Variants in DLG5 observed in about 807,000 individuals in gnomAD.
DLG5 encodes the protein discs large MAGUK scaffold protein 5, also known as disks large homolog 5.
A neutral mutation model predicts 189.8 loss-of-function variants in DLG5; 48 were observed. The observed-to-expected ratio is 0.25, with a 90% confidence interval of 0.20 to 0.32. The LOEUF (loss-of-function observed/expected upper bound fraction) is 0.32, where lower values mean the gene tolerates loss of function less well. DLG5 is among the 10% of genes least tolerant of loss of function. The pLI is 1.00. For synonymous variants in DLG5, 1,016 were observed against 1,054.1 expected (o/e 0.96, Z 0.70); for missense variants, 2,160 against 2,544.7 (o/e 0.85, Z 3.25).
intron 7 of DLG5, among the ~76,000 whole-genome samples, chr10:77,837,648 C>T (rs1024744249): frequency 3.9e-5 from 6 of 152,236 alleles, no homozygotes; most frequent in African/African-American, 1.2e-4. Flanking sequence ...ACCCAAGTGA[C>T]GGACTGACTG....
chr10:77,807,847 G>A lies in DLG5; in HGVS notation c.4745C>T (p.Pro1582Leu), dbSNP rs1841555533. The change falls in exon 25 of 32, where the codon CCT becomes CTT. Residue 1582 changes from proline to leucine, a missense_variant. By Grantham distance (98) the Pro-to-Leu change is moderately conservative. Transcript: ENST00000372391. Reference protein sequence around the residue: ...DGVRLKVQYRPEEFTKAKGLP... With the variant: ...DGVRLKVQYRLEEFTKAKGLP... ...GCCCTTGGCCTTCGTGAACTCCTCA[G>A]GGCGGTACTGCACCTTCAGGCGGAC... 5.0e-6 allele frequency: 8 copies of A among 1,614,082 alleles called. No individual in the cohort carries two copies. The highest frequency in any genetic ancestry group is 6.8e-6 in the Non-Finnish European group (8 of 1,180,044).
chr10:77,843,616 C>T lies in DLG5; in HGVS notation c.955G>A (p.Ala319Thr), dbSNP rs766607036. The T allele has an allele frequency of 5.6e-6, 9 of 1,613,918 alleles. No individual in the cohort carries two copies. The highest frequency in any genetic ancestry group is 4.4e-5 in the South Asian group (4 of 91,058). Residue 319 changes from alanine (A) to threonine (T), a missense_variant, in exon 6 of 32, where the codon GCC becomes ACC. Ala to Thr is a moderately conservative substitution (Grantham distance 58, BLOSUM62 0). This residue lies in a region of DLG5 where 664 missense variants were observed against 838.5 expected (regional missense o/e 0.79). Coordinates refer to ENST00000372391, the MANE Select transcript of DLG5 (RefSeq NM_004747.4). The stretch of plus-strand genomic sequence containing the variant: ...TTCTCACTGTACCTCTTCCGAAGGG[C>T]GTCATAGTCCTTCTTGACCACCTCC... ...KLEVVKKDYD[A>T]LRKRYSEKVA...
Position 77,793,997 on chromosome 10 carries a change from C to T in DLG5, c.5656+11G>A, listed in dbSNP as rs761543417. ...CTGCCTGCTCCCCACTCCAGGCCCA[C>T]GCACACCTACCTGTGAAGTACCTGC... On this transcript the variant is annotated intron_variant, in intron 31 of 31. Coordinates refer to ENST00000372391, the MANE Select transcript of DLG5 (RefSeq NM_004747.4). The T allele has an allele frequency of 1.4e-5, 22 of 1,611,892 alleles. No homozygotes were observed. In the Admixed American group the frequency reaches 2.5e-4, roughly 18 times the overall value.
intron 1 of DLG5, among the ~76,000 whole-genome samples, chr10:77,891,944 C>CCTCTCTCAGACTCGACCCTGCCT (rs1427976923): frequency 6.6e-6 from 1 of 152,226 alleles, no homozygotes; most frequent in Non-Finnish European, 1.5e-5. Flanking sequence ...CAGCCCTGCC[C>CCTCTCTCAGACTCGACCCTGCCT]CTCTCTCAGA....
At chr10:77,925,482 T>A (rs1846656945) in intron 1 of DLG5, among the ~76,000 whole-genome samples, 1 of 152,072 alleles carries the variant, frequency 6.6e-6, no homozygotes, top group African/African-American at 2.4e-5. Flanking sequence ...TACAAATCAG[T>A]CATCCCCAAG....
upstream of DLG5, chr10:77,929,870 T>A (rs1405893661): frequency 1.3e-5 from 2 of 152,178 alleles, no homozygotes; most frequent in African/African-American, 4.8e-5. Flanking sequence ...GGTCATTGGT[T>A]ATGGCAGTCC....
chr10:77,816,714 G>A lies in DLG5; in HGVS notation c.3875-13C>T. On this transcript the variant is annotated splice_polypyrimidine_tract_variant and intron_variant, in intron 19 of 31. Coordinates refer to ENST00000372391, the MANE Select transcript of DLG5 (RefSeq NM_004747.4). Reference sequence around the variant, plus strand: ...TGTGACACTGAACCTGCAGAGAGGAGCGGGTAATGCCGGTGTGAACTCCCA... The same window carrying A: ...TGTGACACTGAACCTGCAGAGAGGAACGGGTAATGCCGGTGTGAACTCCCA... The A allele has an allele frequency of 6.3e-7, 1 of 1,593,006 alleles. No homozygotes were observed. The highest frequency in any genetic ancestry group is 8.6e-7 in the Non-Finnish European group (1 of 1,169,106).
chr10:77,901,605 C>T (rs1845929331), intron 1 of DLG5, among the ~76,000 whole-genome samples: 1 of 152,234 alleles, frequency 6.6e-6, no homozygotes, highest in Non-Finnish European at 1.5e-5. Context: ...CACCTTGGGG[C>T]CTCCTTCCCG....
chr10:77,831,051 A>G (rs766099407), intron 9 of DLG5, among the ~76,000 whole-genome samples, 178 bp from the exon 10 acceptor site: 1 of 152,206 alleles, frequency 6.6e-6, no homozygotes, highest in African/African-American at 2.4e-5. Context: ...GAGTTTTCAC[A>G]GTGGTTTTTT....
chr10:77,938,033 T>G, the DLG5 span, among the ~76,000 whole-genome samples: 1 of 151,900 alleles, frequency 6.6e-6, no homozygotes, highest in African/African-American at 2.4e-5. Context: ...TTATACTACT[T>G]TTATGTGACT....
chr10:77,854,141 C>G, intron 4 of DLG5, 86 bp downstream of exon 4: 3 of 1,519,290 alleles, frequency 2.0e-6, no homozygotes, highest in South Asian at 1.3e-5. Flanking sequence ...AGAACCAGAA[C>G]CCCTGGCTAC....
At chr10:77,829,239 T>C (rs1842789086) in intron 12 of DLG5, 116 bp downstream of exon 12, 1 of 1,394,624 alleles carries the variant, frequency 7.2e-7, no homozygotes, top group East Asian at 2.3e-5. Flanking sequence ...TACATTTAAA[T>C]GGCATTGGCC....
At chr10:77,878,117 A>G (rs926562932) in intron 1 of DLG5, among the ~76,000 whole-genome samples, 7 of 152,300 alleles carry the variant, frequency 4.6e-5, no homozygotes, top group Admixed American at 4.6e-4. Flanking sequence ...ACTAGTCAGT[A>G]AATGGAGAAG....
At chr10:77,811,274 G>A in intron 22 of DLG5, 40 bp from the exon 23 acceptor site, 2 of 1,580,726 alleles carry the variant, frequency 1.3e-6, no homozygotes, top group Non-Finnish European at 1.7e-6. Flanking sequence ...GCAGTACGAA[G>A]CCACCCAGAG....
intron 8 of DLG5, among the ~76,000 whole-genome samples, chr10:77,835,227 G>A (rs570460696): frequency 7.2e-5 from 11 of 152,142 alleles, no homozygotes; most frequent in Non-Finnish European, 8.8e-5. Flanking sequence ...GTTCTAGTGC[G>A]AATGCCACAC....
In DLG5 at chr10:77,926,611, T is replaced by G; in HGVS notation, c.-91A>C. The G allele has an allele frequency of 9.7e-7, 1 of 1,032,684 alleles. No individual in the cohort carries two copies. The highest frequency in any genetic ancestry group is 1.2e-6 in the Non-Finnish European group (1 of 838,160). The allele number at this position is 1,032,684 out of a possible 1,614,324, so 64.0% of individuals were successfully genotyped here. Reference sequence around the variant, plus strand: ...CAGGCGAGCACCTCGGCAGCAGCCCTAGGGCGCCGGGAGCCGTGAGGCGGC... The same window carrying G: ...CAGGCGAGCACCTCGGCAGCAGCCCGAGGGCGCCGGGAGCCGTGAGGCGGC... On this transcript the variant is annotated 5_prime_UTR_variant, in exon 1 of 32. It removes the in-frame stop codon of an upstream open reading frame in the 5' UTR. Transcript: ENST00000372391. The surrounding 1 kb of genome is among the most constrained non-coding windows in gnomAD (Gnocchi z 5.2).
chr10:77,807,696 G>C (rs967411775), intron 25 of DLG5, 100 bp downstream of exon 25: 2 of 1,378,416 alleles, frequency 1.5e-6, no homozygotes. Flanking sequence ...CCCCAGCCTT[G>C]GGGGGCAAGA....
At chr10:77,865,896 C>A (rs145474380) in intron 2 of DLG5, among the ~76,000 whole-genome samples, 1 of 152,190 alleles carries the variant, frequency 6.6e-6, no homozygotes. Context: ...CCTGAGAGAA[C>A]GCTGTCTACA....
intron 1 of DLG5, among the ~76,000 whole-genome samples, chr10:77,876,355 T>C (rs372744655): frequency 2.0e-5 from 3 of 147,688 alleles, no homozygotes; most frequent in African/African-American, 7.5e-5. Context: ...CTGGGCAATA[T>C]AGCAAGACCC....
Sources: gnomAD v4.1 joint callset for allele counts (sites outside exome capture counted in the v4.1 genomes callset) on GRCh38, gnomAD v4.1.1 for gene constraint, gnomAD v4.1.1 regional missense constraint, Gnocchi (gnomAD v3.1) non-coding constraint, MANE v1.5 for transcripts, NCBI Gene and HGNC (gene_info 2026-07-23, HGNC 2026-07-21) for gene names.